DST: variants seen among roughly 807,000 people sequenced by gnomAD.
DST encodes the protein dystonin, also known as bullous pemphigoid antigen.
A neutral mutation model predicts 875.2 loss-of-function variants in DST; 253 were observed. That is an observed-to-expected ratio of 0.29 (90% CI 0.26 to 0.32). DST has a LOEUF of 0.32. Ranked by LOEUF, DST falls within the 10% of genes least tolerant of loss-of-function variation. The probability of loss-of-function intolerance (pLI) is 1.00; values close to 1 mark genes in which losing one functional copy is unlikely to be tolerated. For missense variants in DST, 8,287 were observed against 9,111.6 expected (o/e 0.91, Z 3.68); for synonymous variants, 3,124 against 3,197.1 (o/e 0.98, Z 0.77).
chr6:56,702,820 A>T (rs916894125), intron 7 of DST, among the ~76,000 whole-genome samples: 3 of 152,226 alleles, frequency 2.0e-5, no homozygotes, highest in African/African-American at 7.2e-5. Flanking sequence ...GTAAAAAAGA[A>T]AAAAGACAAT....
intron 3 of DST, among the ~76,000 whole-genome samples, chr6:56,879,223 C>T (rs935864115): frequency 2.0e-5 from 3 of 152,014 alleles, no homozygotes; most frequent in African/African-American, 4.8e-5. Context: ...AATCCCAGCA[C>T]TTTGGGAGGC....
chr6:56,750,003 G>A (rs965525007), intron 4 of DST, among the ~76,000 whole-genome samples: 3 of 152,096 alleles, frequency 2.0e-5, no homozygotes, highest in African/African-American at 2.4e-5. Context: ...GGGCTCTGCC[G>A]CTACCACCAC....
Position 56,812,471 on chromosome 6 carries a change from T to C in DST, c.625+38926A>G, listed in dbSNP as rs372613603. On this transcript the variant is annotated intron_variant, in intron 4 of 103. Coordinates refer to ENST00000680361, the MANE Select transcript of DST (RefSeq NM_001374736.1). Reference sequence around the variant, plus strand: ...AACCTGAAACATAAACTGTATTCTATAGGAGGAGAAAACATTCTGAGGTAA... The same window carrying C: ...AACCTGAAACATAAACTGTATTCTACAGGAGGAGAAAACATTCTGAGGTAA... Among the ~76,000 whole-genome samples the C allele has an allele frequency of 4.6e-5, 7 of 152,324 alleles. No individual in the cohort carries two copies. The East Asian group carries it at 1.3e-3, about 29-fold the overall frequency.
Position 56,606,318 on chromosome 6 carries a change from T to C in DST, c.8310A>G (p.Glu2770=), listed in dbSNP as rs759549948. 26 of 1,609,548 alleles carry C rather than the reference T, an allele frequency of 1.6e-5. No homozygotes were observed. In the South Asian group the frequency reaches 2.9e-4, roughly 18 times the overall value. ...DDSGSWRGRK[E]EYVTGQEFHS... ...GAAATTCCTGTCCAGTTACATACTC[T>C]TCCTTTCTTCCTCTCCAACTGCCAC... The change falls in exon 40 of 104, where the codon GAA becomes GAG. Residue 2770 remains glutamate (E), a synonymous_variant. Transcript: ENST00000680361.
chr6:56,517,055 T>C, intron 71 of DST, 143 bp downstream of exon 71: 1 of 676,706 alleles, frequency 1.5e-6, no homozygotes, highest in South Asian at 1.7e-5. Flanking sequence ...TCTATAAACT[T>C]GAAAAATGCC....
intron 10 of DST, among the ~76,000 whole-genome samples, chr6:56,656,534 T>C (rs1388837056): frequency 1.3e-5 from 2 of 152,208 alleles, no homozygotes; most frequent in African/African-American, 4.8e-5. Flanking sequence ...ATCATCTCAA[T>C]TGACCCTAAG....
chr6:56,476,455 G>A, intron 91 of DST, 118 bp from the exon 92 acceptor site: 2 of 874,518 alleles, frequency 2.3e-6, no homozygotes. Flanking sequence ...GACCCATAAT[G>A]CTTCTGGTCT....
chr6:56,535,863 A>G (rs2096986873), intron 62 of DST, among the ~76,000 whole-genome samples: 1 of 152,214 alleles, frequency 6.6e-6, no homozygotes. Context: ...GAGATATCTT[A>G]TTGCTTGTCT....
chr6:56,883,136 G>A (rs1244842433), intron 3 of DST, among the ~76,000 whole-genome samples: 1 of 152,174 alleles, frequency 6.6e-6, no homozygotes, highest in Non-Finnish European at 1.5e-5. Context: ...CCAAAGTGCT[G>A]GGATTACAGG....
chr6:56,628,159 A>C lies in DST; in HGVS notation c.4478T>G (p.Leu1493Ter), dbSNP rs2098749244. 1 of 1,613,004 alleles carries C rather than the reference A, an allele frequency of 6.2e-7. No homozygotes were observed. The highest frequency in any genetic ancestry group is 1.3e-5 in the African/African-American group (1 of 74,894). The change falls in exon 33 of 104, where the codon TTA (leucine) becomes TGA (stop). Residue 1493 changes from leucine (L) to a stop codon, truncating the protein, a stop_gained and splice_region_variant. Coordinates refer to ENST00000680361, the MANE Select transcript of DST (RefSeq NM_001374736.1). LOFTEE classifies it high-confidence loss of function. ...QNVHVQIDNR[L>*]RDLEGIGKSL... Reference sequence around the variant, plus strand: ...TTTGCCAATGCCCTCTAAGTCCCGTAACCTAAGAGAATAGTAACCGAATAG... The same window carrying C: ...TTTGCCAATGCCCTCTAAGTCCCGTCACCTAAGAGAATAGTAACCGAATAG...
intron 5 of DST, among the ~76,000 whole-genome samples, chr6:56,707,085 T>G (rs2099344080): frequency 6.6e-6 from 1 of 152,166 alleles, no homozygotes; most frequent in South Asian, 2.1e-4. Context: ...GAGGCAGAGC[T>G]CAGGTGGTAA....
chr6:56,588,774 T>C (rs988755240), intron 49 of DST, among the ~76,000 whole-genome samples: 1 of 152,206 alleles, frequency 6.6e-6, no homozygotes, highest in Non-Finnish European at 1.5e-5. Context: ...TGAGATGACA[T>C]ACAGGCAGTC....
intron 52 of DST, 114 bp downstream of exon 52, chr6:56,572,633 C>A: frequency 1.3e-6 from 1 of 764,742 alleles, no homozygotes; most frequent in Non-Finnish European, 2.0e-6. Flanking sequence ...TAGATCTTTA[C>A]TAATCTATAA....
intron 4 of DST, chr6:56,843,257 C>G (rs2099802650): frequency 7.8e-7 from 1 of 1,284,916 alleles, no homozygotes; most frequent in Admixed American, 3.0e-5. Flanking sequence ...GAGGAAGGAG[C>G]AGCACGCTGG....
chr6:56,890,879 G>A (rs936433501), intron 3 of DST, among the ~76,000 whole-genome samples: 12 of 152,140 alleles, frequency 7.9e-5, no homozygotes, highest in African/African-American at 2.9e-4. Context: ...TTCATATAAA[G>A]TCATTCAAGT....
chr6:56,551,922 A>T (rs1158100696), intron 61 of DST, among the ~76,000 whole-genome samples: 1 of 152,194 alleles, frequency 6.6e-6, no homozygotes, highest in Non-Finnish European at 1.5e-5. Context: ...CTATGATGTC[A>T]GTTTCTGGCT....
Position 56,608,515 on chromosome 6 carries a change from T to C in DST, c.6113A>G (p.Asn2038Ser). Residue 2038 changes from asparagine (N) to serine (S), a missense_variant, in exon 40 of 104, where the codon AAC becomes AGC. Around this residue, in one of 10 missense-constraint regions of DST, gnomAD observed 3,138 missense variants for 3,116.6 expected, o/e 1.01. Coordinates refer to ENST00000680361, the MANE Select transcript of DST (RefSeq NM_001374736.1). Reference protein sequence around the residue: ...QVQTGGIIQSNPAKRLTVDEA... With the variant: ...QVQTGGIIQSSPAKRLTVDEA... ...GTCTACAGTTAAACGCTTGGCAGGG[T>C]TTGACTGGATGATTCCACCAGTTTG... The C allele has an allele frequency of 6.2e-7, 1 of 1,613,498 alleles. No homozygotes were observed. The highest frequency in any genetic ancestry group is 8.5e-7 in the Non-Finnish European group (1 of 1,179,722).
chr6:56,914,728 C>A (rs768971092), intron 2 of DST, among the ~76,000 whole-genome samples: 2 of 152,122 alleles, frequency 1.3e-5, no homozygotes, highest in Non-Finnish European at 2.9e-5. Flanking sequence ...ATTTAACATT[C>A]AATGACAAGA....
intron 2 of DST, among the ~76,000 whole-genome samples, chr6:56,926,580 G>A (rs927040038): frequency 6.6e-5 from 10 of 152,216 alleles, no homozygotes; most frequent in African/African-American, 2.4e-4. Context: ...TGGTCAGAGA[G>A]AGGAGGATGC....
Sources: allele counts gnomAD v4.1 joint callset (sites outside exome capture counted in the v4.1 genomes callset), GRCh38; gene constraint gnomAD v4.1.1; regional missense constraint gnomAD v4.1.1; transcripts MANE v1.5; gene names NCBI Gene and HGNC (gene_info 2026-07-23, HGNC 2026-07-21).